Variants in CD163L1 observed in about 807,000 individuals in gnomAD.
The protein encoded by CD163L1 is CD163 molecule like 1, also known as scavenger receptor cysteine-rich type 1 protein M160.
A neutral mutation model predicts 165.4 loss-of-function variants in CD163L1; 124 were observed. That is an observed-to-expected ratio of 0.75 (90% CI 0.65 to 0.87). The LOEUF (loss-of-function observed/expected upper bound fraction) is 0.87, where lower values mean the gene tolerates loss of function less well. Ranked by LOEUF, CD163L1 falls within the 40% of genes least tolerant of loss-of-function variation. The pLI, the probability that CD163L1 is intolerant of heterozygous loss-of-function variation, is 0.00. For synonymous variants in CD163L1, 585 were observed against 662.2 expected, an observed-to-expected ratio of 0.88 and a Z score of 1.79; for missense variants, 1,525 against 1,799.9, an observed-to-expected ratio of 0.85 and a Z score of 2.76.
At chr12:7,409,503 C>A (rs953257445) in intron 4 of CD163L1, among the ~76,000 whole-genome samples, 7 of 152,118 alleles carry the variant, frequency 4.6e-5, no homozygotes, top group African/African-American at 1.7e-4. Flanking sequence ...CTAGATCCCC[C>A]AAATGCACAG....
At chr12:7,366,151 A>G (rs1947014881) in intron 18 of CD163L1, among the ~76,000 whole-genome samples, 1 of 152,166 alleles carries the variant, frequency 6.6e-6, no homozygotes, top group Non-Finnish European at 1.5e-5. Flanking sequence ...CAAGCACAGA[A>G]AGACAAATAT....
rs139221102 is a variant in CD163L1 at position 7,372,958 on chromosome 12, T to A, written c.3730+362A>T. On this transcript the variant is annotated intron_variant, in intron 14 of 19. Transcript: ENST00000313599. This position sits in a 1 kb window ranked among gnomAD's most constrained non-coding sequence, Gnocchi z 4.2. ...AGAGCTGCTTAATCTCCATAATTAA[T>A]TCACATTTCCTCAAAAGTTCTGAGC... Among the ~76,000 whole-genome samples, 270 of 152,296 alleles carry A rather than the reference T, an allele frequency of 1.8e-3. No individual in the cohort carries two copies. Among genetic ancestry groups the A allele is most frequent in the Middle Eastern group, 6.8e-3 (2 of 294 alleles).
chr12:7,376,543 T>C (rs1947275632), intron 9 of CD163L1, among the ~76,000 whole-genome samples: 2 of 152,236 alleles, frequency 1.3e-5, no homozygotes, highest in Non-Finnish European at 2.9e-5. Context: ...TTTATCCAAT[T>C]TCTACTTAGC....
chr12:7,322,937 C>T, the CD163L1 span, among the ~76,000 whole-genome samples: 1 of 152,154 alleles, frequency 6.6e-6, no homozygotes, highest in African/African-American at 2.4e-5. Flanking sequence ...GCAACATCAA[C>T]ATCATCTAGG....
At chr12:7,442,615 G>T (rs1309677120) in intron 1 of CD163L1, among the ~76,000 whole-genome samples, 1 of 152,086 alleles carries the variant, frequency 6.6e-6, no homozygotes, top group Non-Finnish European at 1.5e-5. Context: ...GTGTGGAATG[G>T]GCAATTAGTG....
At chr12:7,359,914 CT>C (rs752350694) in intron 18 of CD163L1, among the ~76,000 whole-genome samples, 31 of 152,058 alleles carry the variant, frequency 2.0e-4, no homozygotes, top group Non-Finnish European at 1.8e-4. Context: ...CAATGTGTCA[CT>C]TTTGTCTCCT....
intron 8 of CD163L1, among the ~76,000 whole-genome samples, chr12:7,388,771 G>T (rs768848276): frequency 6.6e-6 from 1 of 151,080 alleles, no homozygotes; most frequent in Non-Finnish European, 1.5e-5. Flanking sequence ...AAGTGGGGGG[G>T]GCAAAGGATA....
the CD163L1 span, chr12:7,323,313 A>C: frequency 4.3e-6 from 7 of 1,609,916 alleles, 1 homozygote; most frequent in South Asian, 7.8e-5. Context: ...TATGATGTCC[A>C]GGTAGGTTGA....
chr12:7,431,131 C>G (rs1023415780), intron 4 of CD163L1, among the ~76,000 whole-genome samples: 1 of 151,938 alleles, frequency 6.6e-6, no homozygotes, highest in Non-Finnish European at 1.5e-5. Flanking sequence ...GAAAAGAAGC[C>G]GCATTCTTCA....
the CD163L1 span, among the ~76,000 whole-genome samples, chr12:7,339,475 G>C: frequency 6.6e-6 from 1 of 152,136 alleles, no homozygotes; most frequent in Admixed American, 6.6e-5. Flanking sequence ...GGACCATCTA[G>C]AAAGGCCAGG....
chr12:7,363,192 CT>C, intron 18 of CD163L1, among the ~76,000 whole-genome samples: 1 of 151,980 alleles, frequency 6.6e-6, no homozygotes, highest in Admixed American at 6.6e-5. Flanking sequence ...GCCTGTAATC[CT>C]AGCTGCTCTG....
intron 4 of CD163L1, among the ~76,000 whole-genome samples, chr12:7,423,777 A>G (rs1170291030): frequency 6.6e-6 from 1 of 152,172 alleles, no homozygotes. Context: ...AGACTAAACC[A>G]GGAAGAAGTT....
intron 7 of CD163L1, among the ~76,000 whole-genome samples, chr12:7,396,755 T>C (rs1947785358): frequency 6.6e-6 from 1 of 152,104 alleles, no homozygotes; most frequent in Admixed American, 6.6e-5. Context: ...CTTCAGATTT[T>C]GGACTTGCAA....
intron 4 of CD163L1, among the ~76,000 whole-genome samples, chr12:7,423,756 A>AC (rs1948484940): frequency 6.6e-6 from 1 of 152,038 alleles, no homozygotes; most frequent in Admixed American, 6.6e-5. Context: ...CTGGACACAT[A>AC]CCCCCTCCCA....
chr12:7,397,111 T>C (rs1005449989), intron 7 of CD163L1, among the ~76,000 whole-genome samples: 3 of 152,206 alleles, frequency 2.0e-5, no homozygotes, highest in African/African-American at 7.2e-5. Flanking sequence ...GATGTGGCAA[T>C]AGATATATAC....
chr12:7,410,922 C>A (rs936071302), intron 4 of CD163L1, among the ~76,000 whole-genome samples: 2 of 149,672 alleles, frequency 1.3e-5, no homozygotes, highest in Non-Finnish European at 3.0e-5. Context: ...CAAATATAGC[C>A]AAAATTCAAG....
intron 4 of CD163L1, among the ~76,000 whole-genome samples, chr12:7,427,381 G>C (rs1948562700): frequency 6.6e-6 from 1 of 152,074 alleles, no homozygotes; most frequent in South Asian, 2.1e-4. Context: ...CCATGTTTAT[G>C]GATTAAAATA....
chr12:7,355,727 T>C (rs2136370817), intron 19 of CD163L1, among the ~76,000 whole-genome samples: 1 of 152,228 alleles, frequency 6.6e-6, no homozygotes, highest in Admixed American at 6.6e-5. Context: ...GGGTGAGCCC[T>C]AATCCAGTAT....
chr12:7,431,372 A>G (rs944566130), intron 4 of CD163L1, among the ~76,000 whole-genome samples: 1 of 151,954 alleles, frequency 6.6e-6, no homozygotes, highest in African/African-American at 2.4e-5. Flanking sequence ...AGCCGAGATC[A>G]TGCCACTACA....
Sources: gnomAD v4.1 joint callset for allele counts (sites outside exome capture counted in the v4.1 genomes callset) on GRCh38, gnomAD v4.1.1 for gene constraint, Gnocchi (gnomAD v3.1) non-coding constraint, MANE v1.5 for transcripts, NCBI Gene and HGNC (gene_info 2026-07-23, HGNC 2026-07-21) for gene names.